Variants in AAK1 observed in about 807,000 individuals in gnomAD.
AAK1 encodes the protein AP2-associated protein kinase 1.
In AAK1, 37 loss-of-function variants were observed where a neutral mutation model predicts 116.0. The observed-to-expected ratio is 0.32, with a 90% confidence interval of 0.25 to 0.42. The LOEUF is 0.42. Ranked by LOEUF, AAK1 falls within the 10% of genes least tolerant of loss-of-function variation. AAK1 has a pLI of 1.00. For synonymous variants in AAK1, 458 were observed against 439.9 expected (o/e 1.04, Z -0.51); for missense variants, 919 against 1,170.6 (o/e 0.79, Z 3.14).
intron 15 of AAK1, among the ~76,000 whole-genome samples, chr2:69,506,567 G>T (rs1430682025): frequency 6.6e-6 from 1 of 152,120 alleles, no homozygotes; most frequent in Non-Finnish European, 1.5e-5. Flanking sequence ...ATCTTGGCAT[G>T]TTGCCCAGGC....
chr2:69,482,816 C>T lies in AAK1; in HGVS notation c.2366-4G>A, dbSNP rs374945885. 19 of 1,595,872 alleles carry T rather than the reference C, an allele frequency of 1.2e-5. No individual in the cohort carries two copies. The African/African-American group carries it at 1.9e-4, about 16-fold the overall frequency. ...TTGAGTCCCTCAATTAGTTTTTCTA[C>T]GTTGGGCAGAGAGACAAAAAGAAAG... On this transcript the variant is annotated splice_polypyrimidine_tract_variant and splice_region_variant and intron_variant, in intron 17 of 21. Coordinates refer to ENST00000409085, the MANE Select transcript of AAK1 (RefSeq NM_014911.5).
In AAK1 at chr2:69,514,670, T is replaced by G. The variant is rs769133254; in HGVS notation, c.1577A>C (p.Gln526Pro). The change falls in exon 13 of 22, where the codon CAG becomes CCG. Residue 526 changes from glutamine (Q) to proline (P), a missense_variant. Around this residue, in one of 4 missense-constraint regions of AAK1, gnomAD observed 214 missense variants for 210.6 expected, o/e 1.02. Transcript: ENST00000409085. ...PVVSQGGSQQ[Q>P]LMQNFYQQQQ... ...CTGCTGGTAGAAATTCTGCATTAGC[T>G]GCTGTTGAGAGCCTCCTTGGGACAC... 6.2e-6 allele frequency: 10 copies of G among 1,613,536 alleles called. No homozygotes were observed. Among genetic ancestry groups the G allele is most frequent in the Non-Finnish European group, 8.5e-7 (1 of 1,179,750 alleles).
rs1226571720 is a variant in AAK1 at position 69,620,020 on chromosome 2, T to G, written c.163+22858A>C. Among the ~76,000 whole-genome samples, 4 of 152,064 alleles carry G rather than the reference T, an allele frequency of 2.6e-5. No homozygotes were observed. The East Asian group carries it at 7.7e-4, about 29-fold the overall frequency. On this transcript the variant is annotated intron_variant, in intron 2 of 21. Transcript: ENST00000409085. ...TAACTAACATGAAATGATTGGCACTTTAAAGGCTCACTCTGGCTACTGTGC... is the reference window on the plus strand; with the variant it reads ...TAACTAACATGAAATGATTGGCACTGTAAAGGCTCACTCTGGCTACTGTGC...
At chr2:69,520,145 C>T in intron 11 of AAK1, 1 of 229,546 alleles carries the variant, frequency 4.4e-6, no homozygotes, top group South Asian at 8.0e-5. Flanking sequence ...AACAGGGAAG[C>T]TGCCCTGGAC....
chr2:69,639,594 G>C (rs184575963), intron 2 of AAK1, among the ~76,000 whole-genome samples: 80 of 152,230 alleles, frequency 5.3e-4, no homozygotes, highest in African/African-American at 1.8e-3. Context: ...ACATCTTTTT[G>C]TCTTACCCAG....
chr2:69,638,866 A>T (rs1216564181), intron 2 of AAK1, among the ~76,000 whole-genome samples: 1 of 152,214 alleles, frequency 6.6e-6, no homozygotes, highest in African/African-American at 2.4e-5. Context: ...CTGGACACTT[A>T]TCTCAGGTGT....
chr2:69,465,954 G>C lies in AAK1; in HGVS notation c.*9915C>G, dbSNP rs1032694543. 1 of 1,290,832 alleles carries C rather than the reference G, an allele frequency of 7.7e-7. No individual in the cohort carries two copies. Among genetic ancestry groups the C allele is most frequent in the Non-Finnish European group, 1.0e-6 (1 of 988,856 alleles). The allele number at this position is 1,290,832 out of a possible 1,614,324, so 80.0% of individuals were successfully genotyped here. ...CTCCTGGGAGGTGCATTGGATAACT[G>C]TTAACTCCTCCATGCTTTTCTTCTT... is the stretch of plus-strand genomic sequence containing the variant. On this transcript the variant is annotated 3_prime_UTR_variant, in exon 22 of 22. Coordinates refer to ENST00000409085, the MANE Select transcript of AAK1 (RefSeq NM_014911.5).
chr2:69,533,602 G>C (rs954554941), intron 5 of AAK1, among the ~76,000 whole-genome samples: 1 of 152,210 alleles, frequency 6.6e-6, no homozygotes, highest in African/African-American at 2.4e-5. Flanking sequence ...TTATGGTGGT[G>C]TTGTGAGGAG....
At chr2:69,547,128 T>G (rs1670961037) in intron 3 of AAK1, among the ~76,000 whole-genome samples, 1 of 152,156 alleles carries the variant, frequency 6.6e-6, no homozygotes, top group African/African-American at 2.4e-5. Context: ...TATACAAACA[T>G]TAACTCAAAA....
At chr2:69,529,965 G>A in intron 8 of AAK1, 43 bp downstream of exon 8, 2 of 1,441,592 alleles carry the variant, frequency 1.4e-6, no homozygotes, top group South Asian at 2.8e-5. Flanking sequence ...CATTCTTTGT[G>A]ATTAGAAATA....
At chr2:69,607,879 G>A (rs1187305922) in intron 2 of AAK1, among the ~76,000 whole-genome samples, 1 of 152,128 alleles carries the variant, frequency 6.6e-6, no homozygotes, top group Non-Finnish European at 1.5e-5. Context: ...AGGTGGAGTT[G>A]GTCAAAAGAA....
At chr2:69,513,011 A>C (rs1371540822) in intron 13 of AAK1, among the ~76,000 whole-genome samples, 1 of 152,216 alleles carries the variant, frequency 6.6e-6, no homozygotes, top group Non-Finnish European at 1.5e-5. Context: ...CCAATTCTGT[A>C]AAATGAGGAG....
chr2:69,587,419 A>ATACACATATATATACATATGTGTATATG (rs1302735066), intron 2 of AAK1, among the ~76,000 whole-genome samples: 2 of 151,398 alleles, frequency 1.3e-5, no homozygotes, highest in Non-Finnish European at 2.9e-5. Flanking sequence ...ATGTGTATAT[A>ATACACATATATATACATATGTGTATATG]TACACATATA....
Position 69,466,293 on chromosome 2 carries a change from G to A in AAK1, c.*9576C>T. On this transcript the variant is annotated 3_prime_UTR_variant, in exon 22 of 22. Coordinates refer to ENST00000409085, the MANE Select transcript of AAK1 (RefSeq NM_014911.5). Reference sequence around the variant, plus strand: ...TCTGCAGCTCTCATCTTCTTCTTCAGACTCCATAAGGAGAGGCCGAGACCC... The same window carrying A: ...TCTGCAGCTCTCATCTTCTTCTTCAAACTCCATAAGGAGAGGCCGAGACCC... 1 of 1,289,690 alleles carries A rather than the reference G, an allele frequency of 7.8e-7. No individual in the cohort carries two copies. Among genetic ancestry groups the A allele is most frequent in the Non-Finnish European group, 1.0e-6 (1 of 988,834 alleles). 79.9% of individuals were successfully genotyped at this position (1,289,690 alleles called of 1,614,324 possible). A position where few individuals can be genotyped will look rare whatever the true frequency, so the allele number is the denominator to read the frequency against.
chr2:69,576,825 G>C (rs896432160), intron 2 of AAK1, among the ~76,000 whole-genome samples: 7 of 152,164 alleles, frequency 4.6e-5, no homozygotes, highest in African/African-American at 1.7e-4. Flanking sequence ...AATGACCATG[G>C]AAGTGTCTCC....
At chr2:69,595,147 CTG>C in intron 2 of AAK1, 1 of 458,756 alleles carries the variant, frequency 2.2e-6, no homozygotes, top group East Asian at 5.6e-5. Context: ...GAGTTTCACT[CTG>C]TTGCCCAGGC....
At chr2:69,614,473 A>G (rs1217920866) in intron 2 of AAK1, among the ~76,000 whole-genome samples, 1 of 152,198 alleles carries the variant, frequency 6.6e-6, no homozygotes, top group East Asian at 1.9e-4. Context: ...AGTGGCAGCA[A>G]CAGTGCAGGG....
chr2:69,509,405 A>T lies in AAK1; in HGVS notation c.1832T>A (p.Val611Asp), dbSNP rs1466641331. Reference sequence around the variant, plus strand: ...GAGAGATCCAACTTTCTGCCCCTGGACGGCAGGAGGTGGGGTTGTCTGAAC... The same window carrying T: ...GAGAGATCCAACTTTCTGCCCCTGGTCGGCAGGAGGTGGGGTTGTCTGAAC... ...PKVQTTPPPA[V>D]QGQKVGSLTP... is the part of the protein sequence containing the mutation. The change falls in exon 14 of 22, where the codon GTC becomes GAC. Residue 611 changes from valine (V) to aspartate (D), a missense_variant. Physicochemically the swap from Val to Asp is radical, Grantham distance 152. Coordinates refer to ENST00000409085, the MANE Select transcript of AAK1 (RefSeq NM_014911.5). 1 of 1,613,934 alleles carries T rather than the reference A, an allele frequency of 6.2e-7. No homozygotes were observed. The highest frequency in any genetic ancestry group is 1.1e-5 in the South Asian group (1 of 91,072).
chr2:69,544,525 T>C lies in AAK1; in HGVS notation c.302A>G (p.Lys101Arg). 1 of 1,613,668 alleles carries C rather than the reference T, an allele frequency of 6.2e-7. No individual in the cohort carries two copies. The highest frequency in any genetic ancestry group is 1.3e-5 in the African/African-American group (1 of 75,056). Residue 101 changes from lysine (K) to arginine (R), a missense_variant, in exon 4 of 22, where the codon AAG becomes AGG. Physicochemically the swap from Lys to Arg is conservative, Grantham distance 26. Coordinates refer to ENST00000409085, the MANE Select transcript of AAK1 (RefSeq NM_014911.5). ...AGAATCAATGTAACCCACAATATTCTTGTGCCCTGAAAGATCCCTCTGTGA... is the reference window on the plus strand; with the variant it reads ...AGAATCAATGTAACCCACAATATTCCTGTGCCCTGAAAGATCCCTCTGTGA... Reference protein sequence around the residue: ...IQIMRDLSGHKNIVGYIDSSI... With the variant: ...IQIMRDLSGHRNIVGYIDSSI...
Sources: gnomAD v4.1 joint callset for allele counts (sites outside exome capture counted in the v4.1 genomes callset) on GRCh38, gnomAD v4.1.1 for gene constraint, gnomAD v4.1.1 regional missense constraint, MANE v1.5 for transcripts, NCBI Gene and HGNC (gene_info 2026-07-23, HGNC 2026-07-21) for gene names.